GAMT: variants seen among roughly 807,000 people sequenced by gnomAD.
The protein encoded by GAMT is epididymis secretory protein Li 20.
A neutral mutation model predicts 26.9 loss-of-function variants in GAMT; 26 were observed. That is an observed-to-expected ratio of 0.97 (90% CI 0.71 to 1.34). The LOEUF is 1.34. GAMT is among the 40% of genes most tolerant of loss of function. GAMT has a pLI of 0.00. For synonymous variants in GAMT, 169 were observed against 149.6 expected (o/e 1.13, Z -0.95); for missense variants, 412 against 345.0 (o/e 1.19, Z -1.54).
rs576123587 is a variant in GAMT at position 1,399,345 on chromosome 19, C to T, written c.392-150G>A. On this transcript the variant is annotated intron_variant, in intron 3 of 5. Coordinates refer to ENST00000252288, the MANE Select transcript of GAMT (RefSeq NM_000156.6). This position sits in a 1 kb window ranked among gnomAD's most constrained non-coding sequence, Gnocchi z 6.2. ...CACACAGGCTTGAGAACCCCGAGAT[C>T]GCCTCCAGGGCCCCTCCGTGAGCAT... The T allele has an allele frequency of 5.6e-6, 6 of 1,077,812 alleles. No homozygotes were observed. The highest frequency in any genetic ancestry group is 2.6e-4 in the Middle Eastern group (1 of 3,826). The allele number at this position is 1,077,812 out of a possible 1,614,324, so 66.8% of individuals were successfully genotyped here.
chr19:1,398,531 G>A (rs2082613769), intron 5 of GAMT: 3 of 596,788 alleles, frequency 5.0e-6, no homozygotes, highest in East Asian at 2.8e-5. Flanking sequence ...TGCCCCTGGG[G>A]CCCAAGCAAT....
In GAMT at chr19:1,397,307, G is replaced by A. The variant is rs1025152581; in HGVS notation, c.*52C>T. The A allele has an allele frequency of 1.9e-5, 30 of 1,569,038 alleles. No individual in the cohort carries two copies. Among genetic ancestry groups the A allele is most frequent in the East Asian group, 4.7e-5 (2 of 42,578 alleles). On this transcript the variant is annotated 3_prime_UTR_variant, in exon 6 of 6. Transcript: ENST00000252288. The stretch of plus-strand genomic sequence containing the variant: ...GGCTGGTGCGACACCCTGGACTCCC[G>A]GCCAGGAAGGCACGGAGGAGGGCAT...
intron 5 of GAMT, 46 bp downstream of exon 5, chr19:1,398,870 C>G (rs772258170): frequency 1.2e-6 from 2 of 1,609,052 alleles, no homozygotes; most frequent in Non-Finnish European, 1.7e-6. Flanking sequence ...CACCCCCATC[C>G]AAGGTCACTT....
Position 1,401,321 on chromosome 19 carries a change from C to T in GAMT, c.156G>A (p.Ala52=), listed in dbSNP as rs1447391161. 6.6e-7 allele frequency: 1 copy of T among 1,520,410 alleles called. No individual in the cohort carries two copies. The highest frequency in any genetic ancestry group is 8.8e-7 in the Non-Finnish European group (1 of 1,140,686). 94.2% of individuals were successfully genotyped at this position (1,520,410 alleles called of 1,614,324 possible). ...CTTTGGAGGAGGCGGCGGCGGCCAGCGCGTGCATATAGGGGGTCTCCCAGC... is the reference window on the plus strand; with the variant it reads ...CTTTGGAGGAGGCGGCGGCGGCCAGTGCGTGCATATAGGGGGTCTCCCAGC... ...MERWETPYMH[A]LAAAASSKGG... Residue 52 remains alanine (A), a synonymous_variant, in exon 1 of 6, where the codon GCG becomes GCA. Transcript: ENST00000252288.
chr19:1,397,438 A>C lies in GAMT; in HGVS notation c.632T>G (p.Val211Gly), dbSNP rs763080631. The change falls in exon 6 of 6, where the codon GTG becomes GGG. Residue 211 changes from valine (V) to glycine (G), a missense_variant. Coordinates refer to ENST00000252288, the MANE Select transcript of GAMT (RefSeq NM_000156.6). ...GFRRENIRTE[V>G]MALVPPADCR... ...GTCGGCCGGTGGGACCAGCGCCATC[A>C]CCTCCGTACGGATGTTCTCCCTCCG... The C allele has an allele frequency of 6.2e-7, 1 of 1,610,732 alleles. No individual in the cohort carries two copies. The highest frequency in any genetic ancestry group is 8.5e-7 in the Non-Finnish European group (1 of 1,179,872).
Position 1,399,376 on chromosome 19 carries a change from TC to T in GAMT, c.391+147del. The T allele has an allele frequency of 1.0e-6, 1 of 1,001,732 alleles. No individual in the cohort carries two copies. Among genetic ancestry groups the T allele is most frequent in the Non-Finnish European group, 1.5e-6 (1 of 655,092 alleles). The allele number at this position is 1,001,732 out of a possible 1,614,324, so 62.1% of individuals were successfully genotyped here. ...CAGGGCCCCTCCGTGAGCATGCCCA[TC>T]CCCGGTGCTCCGCCATCCCACAGCC... On this transcript the variant is annotated intron_variant, in intron 3 of 5. Coordinates refer to ENST00000252288, the MANE Select transcript of GAMT (RefSeq NM_000156.6). The surrounding 1 kb of genome is among the most constrained non-coding windows in gnomAD (Gnocchi z 6.2).
intron 1 of GAMT, 129 bp downstream of exon 1, chr19:1,401,167 C>T (rs1190245312): frequency 2.5e-5 from 21 of 823,782 alleles, no homozygotes; most frequent in Middle Eastern, 4.1e-4. Flanking sequence ...CACCTGCAGC[C>T]CCACTTCCCA....
At chr19:1,400,364 G>A (rs780694376) in intron 1 of GAMT, among the ~76,000 whole-genome samples, 1 of 152,170 alleles carries the variant, frequency 6.6e-6, no homozygotes, top group Non-Finnish European at 1.5e-5. Flanking sequence ...CACAGGACGG[G>A]AGGGCACCCT....
At chr19:1,398,692 C>G (rs2082614760) in intron 5 of GAMT, 1 of 1,502,022 alleles carries the variant, frequency 6.7e-7, no homozygotes, top group East Asian at 2.5e-5. Flanking sequence ...AATCTGCCCA[C>G]CTCGGCCTTC....
In GAMT at chr19:1,401,379, T is replaced by G; in HGVS notation, c.98A>C (p.His33Pro). Residue 33 changes from histidine to proline, a missense_variant, in exon 1 of 6, where the codon CAC becomes CCC. His to Pro is a moderately conservative substitution (Grantham distance 77, BLOSUM62 -2). Transcript: ENST00000252288. The stretch of plus-strand genomic sequence containing the variant: ...CACCGGCTTGCCCAGGATGCGCAGG[T>G]GCGTGTCCGCTGCGTCGTAGGCCGC... ...APAAYDAADT[H>P]LRILGKPVME... The G allele has an allele frequency of 6.6e-7, 1 of 1,509,116 alleles. No homozygotes were observed. 93.5% of individuals were successfully genotyped at this position (1,509,116 alleles called of 1,614,324 possible). A position where few individuals can be genotyped will look rare whatever the true frequency, so the allele number is the denominator to read the frequency against.
In GAMT at chr19:1,399,825, G is replaced by T. The variant is rs1085307596; in HGVS notation, c.295C>A (p.Leu99Ile). ...GTCTGCCGTGGGGCCCAGTCCCGGA[G>T]CCGCTGGAAGACGCCGTCATTGCAC... ...IECNDGVFQRLRDWAPRQTHK... is the reference protein window; with the variant it reads ...IECNDGVFQRIRDWAPRQTHK... The change falls in exon 2 of 6, where the codon CTC becomes ATC. Residue 99 changes from leucine (L) to isoleucine (I), a missense_variant. Leu to Ile is a conservative substitution (Grantham distance 5). Coordinates refer to ENST00000252288, the MANE Select transcript of GAMT (RefSeq NM_000156.6). This position sits in a 1 kb window ranked among gnomAD's most constrained non-coding sequence, Gnocchi z 6.2. 1.3e-6 allele frequency: 2 copies of T among 1,582,772 alleles called. No homozygotes were observed. Among genetic ancestry groups the T allele is most frequent in the Non-Finnish European group, 1.7e-6 (2 of 1,165,138 alleles).
Position 1,397,478 on chromosome 19 carries a change from G to T in GAMT, c.592C>A (p.Leu198Met). 6.2e-7 allele frequency: 1 copy of T among 1,606,180 alleles called. No homozygotes were observed. ...MFEETQVPAL[L>M]EAGFRRENIR... Reference sequence around the variant, plus strand: ...TTCTCCCTCCGGAAGCCGGCCTCCAGCAGCGCGGGCACCTGCGTCTCCTGG... The same window carrying T: ...TTCTCCCTCCGGAAGCCGGCCTCCATCAGCGCGGGCACCTGCGTCTCCTGG... The change falls in exon 6 of 6, where the codon CTG (leucine) becomes ATG (methionine). Residue 198 changes from leucine to methionine, a missense_variant. By Grantham distance (15) the Leu-to-Met change is conservative (BLOSUM62 2). Transcript: ENST00000252288.
In GAMT at chr19:1,397,087, G is replaced by C. The variant is rs1419077609; in HGVS notation, c.*272C>G. On this transcript the variant is annotated 3_prime_UTR_variant, in exon 6 of 6. Coordinates refer to ENST00000252288, the MANE Select transcript of GAMT (RefSeq NM_000156.6). ...CAGCCGCTGGAAGTAACAGTCGCAC[G>C]CTCACTGCCGACTGGCCAAGCCCAG... 4 of 480,452 alleles carry C rather than the reference G, an allele frequency of 8.3e-6. No individual in the cohort carries two copies. The highest frequency in any genetic ancestry group is 5.8e-5 in the African/African-American group (3 of 51,562). 29.8% of individuals were successfully genotyped at this position (480,452 alleles called of 1,614,324 possible).
In GAMT at chr19:1,398,974, AGGTT is replaced by A; in HGVS notation, c.508_511del (p.Asn170SerfsTer7). On this transcript the variant is annotated frameshift_variant, in exon 5 of 6. Coordinates refer to ENST00000252288, the MANE Select transcript of GAMT (RefSeq NM_000156.6). LOFTEE classifies it high-confidence loss of function. ...CTTCATCAGCTCCCCCCAGGAGGTG[AGGTT>A]GCAGTAGGTGAGGACGCCCCCCGGC... is the stretch of plus-strand genomic sequence containing the variant. 2 of 1,613,348 alleles carry A rather than the reference AGGTT, an allele frequency of 1.2e-6. No individual in the cohort carries two copies. Among genetic ancestry groups the A allele is most frequent in the Non-Finnish European group, 1.7e-6 (2 of 1,179,992 alleles).
chr19:1,401,448 A>G lies in GAMT; in HGVS notation c.29T>C (p.Phe10Ser). 1.4e-6 allele frequency: 2 copies of G among 1,405,262 alleles called. No individual in the cohort carries two copies. The highest frequency in any genetic ancestry group is 1.9e-6 in the Non-Finnish European group (2 of 1,079,376). The allele number at this position is 1,405,262 out of a possible 1,614,324, so 87.0% of individuals were successfully genotyped here. A position where few individuals can be genotyped will look rare whatever the true frequency, so the allele number is the denominator to read the frequency against. MSAPSATPI[F>S]APGENCSPAW... ...GGGGCTGCAGTTCTCGCCGGGCGCG[A>G]AGATGGGGGTCGCGCTGGGGGCGCT... is the stretch of plus-strand genomic sequence containing the variant. The change falls in exon 1 of 6, where the codon TTC becomes TCC. Residue 10 changes from phenylalanine to serine, a missense_variant. By Grantham distance (155) the Phe-to-Ser change is radical. Coordinates refer to ENST00000252288, the MANE Select transcript of GAMT (RefSeq NM_000156.6).
chr19:1,399,991 T>C lies in GAMT; in HGVS notation c.182-53A>G. ...ACTAGGTGGGGCGGGCTTAGGAGGC[T>C]GCCTGGAGGAGGGGCACAGGGCAGG... is the stretch of plus-strand genomic sequence containing the variant. On this transcript the variant is annotated intron_variant, in intron 1 of 5. Coordinates refer to ENST00000252288, the MANE Select transcript of GAMT (RefSeq NM_000156.6). The surrounding 1 kb of genome is among the most constrained non-coding windows in gnomAD (Gnocchi z 6.2). 6.4e-7 allele frequency: 1 copy of C among 1,563,256 alleles called. No individual in the cohort carries two copies. The highest frequency in any genetic ancestry group is 8.6e-7 in the Non-Finnish European group (1 of 1,159,210).
rs777102623 is a variant in GAMT, at chr19:1,399,933, G to T, written c.187C>A (p.Arg63=). The change falls in exon 2 of 6, where the codon CGG becomes AGG. Residue 63 remains arginine, a synonymous_variant. Transcript: ENST00000252288. This position sits in a 1 kb window ranked among gnomAD's most constrained non-coding sequence, Gnocchi z 6.2. ...LAAAASSKGG[R]VLEVGFGMAI... is the part of the protein sequence containing the mutation. The stretch of plus-strand genomic sequence containing the variant: ...ATGCCAAAGCCCACCTCCAGGACCC[G>T]GCCCCCTGGGCAGACACAGGGCGCC... 1.2e-6 allele frequency: 2 copies of T among 1,606,166 alleles called. No homozygotes were observed. The highest frequency in any genetic ancestry group is 2.2e-5 in the East Asian group (1 of 44,644).
rs2082616497 is a variant in GAMT at position 1,398,919 on chromosome 19, A to C, written c.567T>G (p.Phe189Leu). The C allele has an allele frequency of 6.2e-7, 1 of 1,613,330 alleles. No individual in the cohort carries two copies. Among genetic ancestry groups the C allele is most frequent in the African/African-American group, 1.3e-5 (1 of 75,030 alleles). Reference sequence around the variant, plus strand: ...GGGGAACTTCAGGTGGGCGCACCTCAAACATGATGGTGATGTCTGAGTACT... The same window carrying C: ...GGGGAACTTCAGGTGGGCGCACCTCCAACATGATGGTGATGTCTGAGTACT... ...KSKYSDITIM[F>L]EETQVPALLE... The change falls in exon 5 of 6, where the codon TTT becomes TTG. Residue 189 changes from phenylalanine to leucine, a missense_variant. Phe to Leu is a conservative substitution (Grantham distance 22). Transcript: ENST00000252288.
rs1028432497 is a variant in GAMT, at chr19:1,401,305, A to C, written c.172T>G (p.Ser58Ala). ...GCCGGGCGGGGGCTACCTTTGGAGG[A>C]GGCGGCGGCGGCCAGCGCGTGCATA... The part of the protein sequence containing the change: ...PYMHALAAAA[S>A]SKGGRVLEVG... Residue 58 changes from serine (S) to alanine (A), a missense_variant, in exon 1 of 6, where the codon TCC (serine) becomes GCC (alanine). Transcript: ENST00000252288. 6 of 1,509,888 alleles carry C rather than the reference A, an allele frequency of 4.0e-6. No homozygotes were observed. The highest frequency in any genetic ancestry group is 2.0e-5 in the Admixed American group (1 of 50,640). 93.5% of individuals were successfully genotyped at this position (1,509,888 alleles called of 1,614,324 possible).
Sources: allele counts gnomAD v4.1 joint callset (sites outside exome capture counted in the v4.1 genomes callset), GRCh38; gene constraint gnomAD v4.1.1; non-coding constraint Gnocchi (gnomAD v3.1); transcripts MANE v1.5; gene names NCBI Gene and HGNC (gene_info 2026-07-23, HGNC 2026-07-21).